The following UNC13B variants were observed in gnomAD, a reference collection of about 807,000 sequenced individuals.
UNC13B encodes the protein unc-13 homolog B, also known as protein unc-13 homolog B.
UNC13B carries 144 observed loss-of-function variants against 211.0 expected under a neutral mutation model. The observed-to-expected ratio is 0.68, with a 90% CI of 0.60 to 0.78. The LOEUF (loss-of-function observed/expected upper bound fraction) is 0.78, where lower values mean the gene tolerates loss of function less well. Ranked by LOEUF, UNC13B falls within the 30% of genes least tolerant of loss-of-function variation. The pLI is 0.00. For missense variants in UNC13B, 1,777 were observed against 2,002.0 expected, an observed-to-expected ratio of 0.89 and a Z score of 2.14; for synonymous variants, 709 against 725.8, an observed-to-expected ratio of 0.98 and a Z score of 0.37.
chr9:35,234,373 G>A (rs998763167), intron 3 of UNC13B, among the ~76,000 whole-genome samples: 16 of 152,106 alleles, frequency 1.1e-4, no homozygotes, highest in Non-Finnish European at 1.8e-4. Flanking sequence ...TCCCACCTCA[G>A]CCTCCCAACA....
intron 7 of UNC13B, among the ~76,000 whole-genome samples, chr9:35,288,218 C>A (rs1446560900): frequency 6.6e-6 from 1 of 152,136 alleles, no homozygotes; most frequent in Non-Finnish European, 1.5e-5. Flanking sequence ...CCCAACCAAC[C>A]ACCATTGGCC....
At chr9:35,338,622 T>C (rs1220071706) in intron 11 of UNC13B, among the ~76,000 whole-genome samples, 1 of 152,208 alleles carries the variant, frequency 6.6e-6, no homozygotes, top group African/African-American at 2.4e-5. Flanking sequence ...TGTGTGACTA[T>C]ATGTCAGCTT....
intron 11 of UNC13B, among the ~76,000 whole-genome samples, chr9:35,343,187 C>G (rs1832121907): frequency 6.6e-6 from 1 of 152,202 alleles, no homozygotes; most frequent in Non-Finnish European, 1.5e-5. Context: ...TTTTTCTCAT[C>G]TATGAAATCA....
rs769215700 is a variant in UNC13B, at chr9:35,396,437, AC to A, written c.11309-38del. 3 of 1,612,718 alleles carry A rather than the reference AC, an allele frequency of 1.9e-6. No individual in the cohort carries two copies. In the African/African-American group the frequency reaches 4.0e-5, roughly 22 times the overall value. The stretch of plus-strand genomic sequence containing the variant: ...GGAAGGCTCAGGAACCATGGCCTCT[AC>A]TGCTGGGACCTGACCCAACCTTTCT... On this transcript the variant is annotated intron_variant, in intron 26 of 39. Coordinates refer to ENST00000635942, the MANE Select transcript of UNC13B (RefSeq NM_001371189.2).
chr9:35,338,988 A>T (rs183259140), intron 11 of UNC13B, among the ~76,000 whole-genome samples: 3 of 152,190 alleles, frequency 2.0e-5, no homozygotes, highest in African/African-American at 7.2e-5. Flanking sequence ...TTTGTATGCC[A>T]GGTGGTTTTC....
At chr9:35,286,742 A>C (rs1420943324) in intron 7 of UNC13B, among the ~76,000 whole-genome samples, 1 of 152,126 alleles carries the variant, frequency 6.6e-6, no homozygotes, top group Non-Finnish European at 1.5e-5. Context: ...TCTATATGAT[A>C]AAGCCTCCAT....
chr9:35,299,363 T>C (rs1829560668), intron 8 of UNC13B, among the ~76,000 whole-genome samples: 1 of 152,248 alleles, frequency 6.6e-6, no homozygotes, highest in African/African-American at 2.4e-5. Flanking sequence ...TTGACTATAT[T>C]CTTGGCTACA....
intron 1 of UNC13B, among the ~76,000 whole-genome samples, chr9:35,177,019 AC>A (rs1276040510): frequency 6.6e-6 from 1 of 152,110 alleles, no homozygotes; most frequent in African/African-American, 2.4e-5. Context: ...GGGGCTCCTG[AC>A]CTCAGGTGAT....
chr9:35,206,742 C>T (rs573409707), intron 1 of UNC13B, among the ~76,000 whole-genome samples: 10 of 151,994 alleles, frequency 6.6e-5, no homozygotes, highest in South Asian at 4.2e-4. Context: ...GGTGTGGTGT[C>T]GCACACCTGT....
At chr9:35,202,815 C>T (rs1387906397) in intron 1 of UNC13B, among the ~76,000 whole-genome samples, 2 of 143,420 alleles carry the variant, frequency 1.4e-5, no homozygotes, top group Admixed American at 7.1e-5. Flanking sequence ...TTTTTTGAGA[C>T]AGAGTCTCGC....
In UNC13B at chr9:35,403,152, C is replaced by T. The variant is rs1006091396; in HGVS notation, c.12485-15C>T. 1 of 1,613,240 alleles carries T rather than the reference C, an allele frequency of 6.2e-7. No individual in the cohort carries two copies. Among genetic ancestry groups the T allele is most frequent in the Non-Finnish European group, 8.5e-7 (1 of 1,179,300 alleles). ...AGTTCTCCAATGGGGAATCATCTCT[C>T]CATTTGTCCCTCAGGGTCTGGTGTG... On this transcript the variant is annotated splice_polypyrimidine_tract_variant and intron_variant, in intron 37 of 39. Transcript: ENST00000635942.
intron 11 of UNC13B, chr9:35,342,214 C>G: frequency 7.1e-6 from 7 of 985,744 alleles, no homozygotes; most frequent in Non-Finnish European, 8.4e-6. Context: ...TGTGGCTTCT[C>G]TGTCAAACCA....
chr9:35,314,089 A>T lies in UNC13B; in HGVS notation c.9414+100A>T, dbSNP rs1281568515. 3 of 976,880 alleles carry T rather than the reference A, an allele frequency of 3.1e-6. No individual in the cohort carries two copies. In the Admixed American group the frequency reaches 5.4e-5, roughly 18 times the overall value. The allele number at this position is 976,880 out of a possible 1,614,324, so 60.5% of individuals were successfully genotyped here. ...AATCAGTGATTAGTCATCTTCTTACAGTGTGCTTCTGGGAATGCATGACAA... is the reference window on the plus strand; with the variant it reads ...AATCAGTGATTAGTCATCTTCTTACTGTGTGCTTCTGGGAATGCATGACAA... On this transcript the variant is annotated intron_variant, in intron 11 of 39. Transcript: ENST00000635942.
In UNC13B at chr9:35,301,347, G is replaced by A; in HGVS notation, c.1943G>A (p.Ser648Asn). 2 of 398,618 alleles carry A rather than the reference G, an allele frequency of 5.0e-6. No individual in the cohort carries two copies. Among genetic ancestry groups the A allele is most frequent in the Non-Finnish European group, 8.9e-6 (2 of 225,932 alleles). The allele number at this position is 398,618 out of a possible 1,614,324, so 24.7% of individuals were successfully genotyped here. Reference protein sequence around the residue: ...IAKDLAPQSQSSVIKSVFSRL... With the variant: ...IAKDLAPQSQNSVIKSVFSRL... ...AAGGACTTGGCTCCACAGAGTCAGA[G>A]TTCAGTTATAAAGTCGGTTTTCAGC... The change falls in exon 9 of 40, where the codon AGT (serine) becomes AAT (asparagine). Residue 648 changes from serine (S) to asparagine (N), a missense_variant. Coordinates refer to ENST00000635942, the MANE Select transcript of UNC13B (RefSeq NM_001371189.2).
chr9:35,384,304 C>G lies in UNC13B; in HGVS notation c.10865C>G (p.Ser3622Cys). 6.2e-7 allele frequency: 1 copy of G among 1,613,858 alleles called. No individual in the cohort carries two copies. The highest frequency in any genetic ancestry group is 8.5e-7 in the Non-Finnish European group (1 of 1,179,902). ...QLHNSLRIDL[S>C]TYRNNFPAGS... Reference sequence around the variant, plus strand: ...CACAACTCACTGAGGATCGACCTCTCTACATACAGGGTGAGTGAAGACACG... The same window carrying G: ...CACAACTCACTGAGGATCGACCTCTGTACATACAGGGTGAGTGAAGACACG... Residue 3622 changes from serine (S) to cysteine (C), a missense_variant, in exon 22 of 40, where the codon TCT becomes TGT. Coordinates refer to ENST00000635942, the MANE Select transcript of UNC13B (RefSeq NM_001371189.2).
intron 7 of UNC13B, among the ~76,000 whole-genome samples, chr9:35,291,742 T>C: frequency 6.6e-6 from 1 of 152,178 alleles, no homozygotes. Flanking sequence ...TAGGCTGACA[T>C]TACTGGTTGT....
At chr9:35,247,358 C>G (rs1291026732) in intron 6 of UNC13B, among the ~76,000 whole-genome samples, 1 of 152,136 alleles carries the variant, frequency 6.6e-6, no homozygotes, top group African/African-American at 2.4e-5. Flanking sequence ...TTTGTCCTGC[C>G]TGATTGCCCT....
intron 1 of UNC13B, among the ~76,000 whole-genome samples, chr9:35,185,685 C>T (rs1000348814): frequency 1.3e-5 from 2 of 151,406 alleles, no homozygotes; most frequent in Admixed American, 6.6e-5. Context: ...TTTGGGAGGC[C>T]GAGGTGGGCG....
intron 6 of UNC13B, among the ~76,000 whole-genome samples, chr9:35,253,001 C>T (rs1056920624): frequency 1.3e-5 from 2 of 152,154 alleles, no homozygotes; most frequent in Non-Finnish European, 2.9e-5. Flanking sequence ...ATAAGAAAAA[C>T]ATTCTCTTTT....
Sources: gnomAD v4.1 joint callset for allele counts (sites outside exome capture counted in the v4.1 genomes callset) on GRCh38, gnomAD v4.1.1 for gene constraint, MANE v1.5 for transcripts, NCBI Gene and HGNC (gene_info 2026-07-23, HGNC 2026-07-21) for gene names.